Variants in MAPK4 observed in about 807,000 individuals in gnomAD.
MAPK4 encodes the protein mitogen-activated protein kinase 4.
MAPK4 carries 22 observed loss-of-function variants against 47.7 expected under a neutral mutation model. That is an observed-to-expected ratio of 0.46 (90% CI 0.33 to 0.66). The LOEUF (loss-of-function observed/expected upper bound fraction) is 0.66. Among genes scored for constraint, MAPK4 ranks in the 30% least tolerant of loss-of-function variants. The pLI, the probability that MAPK4 is intolerant of heterozygous loss-of-function variation, is 0.02. For synonymous variants in MAPK4, 390 were observed against 365.7 expected, an observed-to-expected ratio of 1.07 and a Z score of -0.76; for missense variants, 736 against 831.7, an observed-to-expected ratio of 0.88 and a Z score of 1.42.
intron 2 of MAPK4, among the ~76,000 whole-genome samples, chr18:50,666,426 A>T (rs1907606792): frequency 1.3e-5 from 2 of 152,084 alleles, no homozygotes; most frequent in Non-Finnish European, 2.9e-5. Context: ...ATGAATGTAA[A>T]ATTCCTTGGA....
intron 2 of MAPK4, among the ~76,000 whole-genome samples, chr18:50,697,310 G>A (rs920183210): frequency 1.3e-5 from 2 of 152,180 alleles, no homozygotes; most frequent in African/African-American, 4.8e-5. Flanking sequence ...ACCTACCGGC[G>A]TAGCATATGG....
chr18:50,577,682 A>G (rs959870192), intron 1 of MAPK4, among the ~76,000 whole-genome samples: 1 of 152,182 alleles, frequency 6.6e-6, no homozygotes, highest in African/African-American at 2.4e-5. Context: ...TTAGTGCTAA[A>G]ACTTTGGGCA....
Position 50,664,369 on chromosome 18 carries a change from C to T in MAPK4, c.411C>T (p.Leu137=). ...TCATGTACCAGCTGCTCCGCGGGCT[C>T]AAGTACATCCACTCCGCCAACGTGC... ...KLFMYQLLRG[L]KYIHSANVLH... is the part of the protein sequence containing the mutation. The change falls in exon 2 of 6, where the codon CTC becomes CTT. Residue 137 remains leucine (L), a synonymous_variant. Coordinates refer to ENST00000400384, the MANE Select transcript of MAPK4 (RefSeq NM_002747.4). This position sits in a 1 kb window ranked among gnomAD's most constrained non-coding sequence, Gnocchi z 6.0. The T allele has an allele frequency of 6.2e-7, 1 of 1,614,034 alleles. No homozygotes were observed. The highest frequency in any genetic ancestry group is 1.6e-4 in the Middle Eastern group (1 of 6,062).
rs751581034 is a variant in MAPK4, at chr18:50,729,360, T to C, written c.1270T>C (p.Tyr424His). ...CATGGAGCGCGCCTTCGAGGCCGAC[T>C]ACGGGCGCTCCTGCGACTACAAGGT... is the stretch of plus-strand genomic sequence containing the variant. Reference protein sequence around the residue: ...SSMERAFEADYGRSCDYKVGS... With the variant: ...SSMERAFEADHGRSCDYKVGS... The change falls in exon 6 of 6, where the codon TAC becomes CAC. Residue 424 changes from tyrosine (Y) to histidine (H), a missense_variant. Tyr to His is a moderately conservative substitution (Grantham distance 83). Coordinates refer to ENST00000400384, the MANE Select transcript of MAPK4 (RefSeq NM_002747.4). The C allele has an allele frequency of 1.3e-6, 2 of 1,579,320 alleles. No homozygotes were observed. The highest frequency in any genetic ancestry group is 1.7e-6 in the Non-Finnish European group (2 of 1,164,008).
At chr18:50,614,411 G>A (rs2149378936) in intron 1 of MAPK4, among the ~76,000 whole-genome samples, 2 of 152,002 alleles carry the variant, frequency 1.3e-5, no homozygotes, top group East Asian at 3.9e-4. Flanking sequence ...TAAAATTTAA[G>A]ATCAAAACAC....
chr18:50,703,169 C>T (rs920009553), intron 2 of MAPK4, among the ~76,000 whole-genome samples: 3 of 152,128 alleles, frequency 2.0e-5, no homozygotes, highest in Non-Finnish European at 4.4e-5. Context: ...TTTCTGCTGC[C>T]CTCCTCCCCA....
At chr18:50,610,584 G>A (rs2042624294) in intron 1 of MAPK4, among the ~76,000 whole-genome samples, 1 of 152,236 alleles carries the variant, frequency 6.6e-6, no homozygotes, top group Non-Finnish European at 1.5e-5. Context: ...CTGTCAAGGA[G>A]CACTGTGATT....
intron 1 of MAPK4, among the ~76,000 whole-genome samples, chr18:50,610,260 G>T (rs1034521947): frequency 6.6e-6 from 1 of 152,208 alleles, no homozygotes; most frequent in Non-Finnish European, 1.5e-5. Context: ...TTGGAGAAGT[G>T]GGGCTCATAG....
chr18:50,722,202 T>A (rs2144472726), intron 4 of MAPK4, 103 bp downstream of exon 4: 1 of 1,315,940 alleles, frequency 7.6e-7, no homozygotes, highest in Middle Eastern at 2.7e-4. Flanking sequence ...GGGCAAAGCA[T>A]GGTCCTTGGA....
chr18:50,695,338 TAAAAA>T (rs59857315), intron 2 of MAPK4, among the ~76,000 whole-genome samples: 3 of 84,692 alleles, frequency 3.5e-5, no homozygotes, highest in African/African-American at 4.5e-5. Flanking sequence ...GGCTCCATCT[TAAAAA>T]AAAAAAAAAA....
At chr18:50,636,028 C>T (rs1426795454) in intron 1 of MAPK4, among the ~76,000 whole-genome samples, 1 of 152,232 alleles carries the variant, frequency 6.6e-6, no homozygotes, top group African/African-American at 2.4e-5. Flanking sequence ...TCCAGCCTCT[C>T]TTGCACTTAC....
chr18:50,593,670 G>C (rs3910503), intron 1 of MAPK4, among the ~76,000 whole-genome samples: 151,795 of 152,332 alleles, frequency 1, 75,633 homozygotes, highest in East Asian at 1. Context: ...CCTATAGATT[G>C]ATGCAGTCCC....
chr18:50,562,221 A>G (rs901629190), intron 1 of MAPK4, among the ~76,000 whole-genome samples: 14 of 152,244 alleles, frequency 9.2e-5, no homozygotes, highest in Non-Finnish European at 1.8e-4. Flanking sequence ...GTATTAATCC[A>G]GAACCTAATC....
intron 1 of MAPK4, among the ~76,000 whole-genome samples, chr18:50,640,585 C>A (rs1217984084): frequency 1.3e-5 from 2 of 152,154 alleles, no homozygotes; most frequent in Non-Finnish European, 2.9e-5. Context: ...CCTGCCTCAA[C>A]CTCCCAAGTA....
chr18:50,629,362 C>T (rs1054472699), intron 1 of MAPK4: 7 of 152,294 alleles, frequency 4.6e-5, no homozygotes, highest in African/African-American at 7.2e-5. Context: ...TAGTTGGCTC[C>T]ATAACCAGAA....
At chr18:50,690,406 T>C (rs28562187) in intron 2 of MAPK4, among the ~76,000 whole-genome samples, 4,938 of 152,252 alleles carry the variant, frequency 0.032, 161 homozygotes, top group African/African-American at 0.081. Context: ...TACTAACAGC[T>C]CAATACCATG....
chr18:50,630,810 T>A (rs970826315), intron 1 of MAPK4, among the ~76,000 whole-genome samples: 4 of 152,176 alleles, frequency 2.6e-5, no homozygotes, highest in Non-Finnish European at 5.9e-5. Context: ...AGAACCAGCC[T>A]CTCTCCCTGA....
intron 2 of MAPK4, among the ~76,000 whole-genome samples, chr18:50,677,968 C>A (rs1464405951): frequency 6.6e-6 from 1 of 152,096 alleles, no homozygotes; most frequent in African/African-American, 2.4e-5. Flanking sequence ...TCCATGCCCC[C>A]GGGAAATAGG....
chr18:50,650,324 C>T (rs552886181), intron 1 of MAPK4, among the ~76,000 whole-genome samples: 3 of 148,370 alleles, frequency 2.0e-5, no homozygotes, highest in Admixed American at 6.7e-5. Flanking sequence ...TGCCCCCTTT[C>T]CACTACCCCC....
Sources: allele counts gnomAD v4.1 joint callset (sites outside exome capture counted in the v4.1 genomes callset), GRCh38; gene constraint gnomAD v4.1.1; non-coding constraint Gnocchi (gnomAD v3.1); transcripts MANE v1.5; gene names NCBI Gene and HGNC (gene_info 2026-07-23, HGNC 2026-07-21).